Variants in COL16A1 observed in about 807,000 individuals in gnomAD.
COL16A1 encodes collagen type XVI alpha 1 chain.
In COL16A1, 189 loss-of-function variants were observed where a neutral mutation model predicts 266.3. The observed-to-expected ratio is 0.71, with a 90% CI of 0.63 to 0.80. The LOEUF is 0.80. Ranked by LOEUF, COL16A1 falls within the 30% of genes least tolerant of loss-of-function variation. The pLI, the probability that COL16A1 is intolerant of heterozygous loss-of-function variation, is 0.00. For missense variants in COL16A1, 1,928 were observed against 2,122.4 expected, an observed-to-expected ratio of 0.91 and a Z score of 1.80; for synonymous variants, 740 against 782.3, an observed-to-expected ratio of 0.95 and a Z score of 0.90.
rs1644602930 is a variant in COL16A1, at chr1:31,698,671, G to A, written c.267-65C>T. 1.3e-6 allele frequency: 2 copies of A among 1,593,656 alleles called. No homozygotes were observed. The highest frequency in any genetic ancestry group is 1.7e-6 in the Non-Finnish European group (2 of 1,172,804). On this transcript the variant is annotated intron_variant, in intron 4 of 70. Transcript: ENST00000373672. This position sits in a 1 kb window ranked among gnomAD's most constrained non-coding sequence, Gnocchi z 4.1. The stretch of plus-strand genomic sequence containing the variant: ...AGGACCCAAATGCTGCCCACCCTGA[G>A]CCCTCAGGACTGCTGAGCCTACCCA...
Position 31,684,633 on chromosome 1 carries a change from G to A in COL16A1, c.2053-3C>T. ...TCTCCAGGATTCCCAGCATCACCCT[G>A]TAAGGAGTGGGGTTCAAGGAAAGCA... On this transcript the variant is annotated splice_region_variant and splice_polypyrimidine_tract_variant and intron_variant, in intron 30 of 70. Coordinates refer to ENST00000373672, the MANE Select transcript of COL16A1 (RefSeq NM_001856.4). 6.2e-7 allele frequency: 1 copy of A among 1,613,632 alleles called. No individual in the cohort carries two copies. Among genetic ancestry groups the A allele is most frequent in the Non-Finnish European group, 8.5e-7 (1 of 1,179,770 alleles).
rs1644081478 is a variant in COL16A1 at position 31,688,121 on chromosome 1, G to A, written c.1803+346C>T. On this transcript the variant is annotated intron_variant, in intron 26 of 70. Coordinates refer to ENST00000373672, the MANE Select transcript of COL16A1 (RefSeq NM_001856.4). This position sits in a 1 kb window ranked among gnomAD's most constrained non-coding sequence, Gnocchi z 4.9. ...GGAGCACATACCCCATAAACTCTGG[G>A]AGGACAAAACAAGTGAATATACTTA... Among the ~76,000 whole-genome samples the A allele has an allele frequency of 6.6e-6, 1 of 152,164 alleles. No homozygotes were observed. Among genetic ancestry groups the A allele is most frequent in the Non-Finnish European group, 1.5e-5 (1 of 68,030 alleles).
In COL16A1 at chr1:31,697,983, G is replaced by A. The variant is rs868567476; in HGVS notation, c.580C>T (p.Leu194=). ...VDCSSASSQP[L]GPRRPMRPVG... ...GGCCTCATGGGTCGTCGGGGCCCCA[G>A]AGGCTGGGAGGAGGCTGAGCTGCAG... Residue 194 remains leucine, a synonymous_variant, in exon 6 of 71, where the codon CTG becomes TTG. Coordinates refer to ENST00000373672, the MANE Select transcript of COL16A1 (RefSeq NM_001856.4). The surrounding 1 kb of genome is among the most constrained non-coding windows in gnomAD (Gnocchi z 4.2). 4 of 1,613,342 alleles carry A rather than the reference G, an allele frequency of 2.5e-6. No homozygotes were observed. The highest frequency in any genetic ancestry group is 3.4e-6 in the Non-Finnish European group (4 of 1,180,044).
At chr1:31,677,235 A>G (rs2148735234) in intron 42 of COL16A1, among the ~76,000 whole-genome samples, 1 of 152,274 alleles carries the variant, frequency 6.6e-6, no homozygotes, top group Non-Finnish European at 1.5e-5. Context: ...ACAGGCATGC[A>G]CCACAAAACC....
In COL16A1 at chr1:31,655,472, G is replaced by A. The variant is rs1641051188; in HGVS notation, c.4132C>T (p.Gln1378Ter). ...GDPGAAGQKG[Q>*]AGEKGRAGMP... ...CCGGCTCTCCCCTTCTCTCCTGCCT[G>A]GCCCTTCTGTCCTGCAGCTCCTGGA... The change falls in exon 67 of 71, where the codon CAG (glutamine) becomes TAG (stop). Residue 1378 changes from glutamine to a stop codon, truncating the protein, a stop_gained. Transcript: ENST00000373672. LOFTEE classifies it high-confidence loss of function. The A allele has an allele frequency of 6.2e-7, 1 of 1,614,078 alleles. No homozygotes were observed. Among genetic ancestry groups the A allele is most frequent in the Non-Finnish European group, 8.5e-7 (1 of 1,180,004 alleles).
Position 31,698,672 on chromosome 1 carries a change from C to CA in COL16A1, c.267-67_267-66insT. 1 of 1,588,306 alleles carries CA rather than the reference C, an allele frequency of 6.3e-7. No homozygotes were observed. The highest frequency in any genetic ancestry group is 8.5e-7 in the Non-Finnish European group (1 of 1,170,404). ...GGACCCAAATGCTGCCCACCCTGAG[C>CA]CCTCAGGACTGCTGAGCCTACCCAA... On this transcript the variant is annotated intron_variant, in intron 4 of 70. Transcript: ENST00000373672. This position sits in a 1 kb window ranked among gnomAD's most constrained non-coding sequence, Gnocchi z 4.1.
intron 51 of COL16A1, 135 bp from the exon 52 acceptor site, chr1:31,667,763 T>C: frequency 1.1e-6 from 1 of 883,226 alleles, no homozygotes; most frequent in Non-Finnish European, 1.8e-6. Context: ...CGCTGGGTGC[T>C]CCAAAGCTGC....
Position 31,656,824 on chromosome 1 carries a change from A to G in COL16A1, c.4056+209T>C. 9.5e-6 allele frequency: 1 copy of G among 105,210 alleles called. No homozygotes were observed. The highest frequency in any genetic ancestry group is 8.7e-5 in the Admixed American group (1 of 11,522). 6.5% of individuals were successfully genotyped at this position (105,210 alleles called of 1,614,324 possible). A position where few individuals can be genotyped will look rare whatever the true frequency, so the allele number is the denominator to read the frequency against. ...TTCTTTTTGACCAGGTACAGGGTTT[A>G]AAAAAAAAAAAAAAAAGGTAAAACA... is the stretch of plus-strand genomic sequence containing the variant. On this transcript the variant is annotated intron_variant, in intron 65 of 70. Coordinates refer to ENST00000373672, the MANE Select transcript of COL16A1 (RefSeq NM_001856.4). The surrounding 1 kb of genome is among the most constrained non-coding windows in gnomAD (Gnocchi z 4.2).
At chr1:31,675,937 G>A (rs958818181) in intron 42 of COL16A1, among the ~76,000 whole-genome samples, 4 of 152,138 alleles carry the variant, frequency 2.6e-5, no homozygotes, top group South Asian at 2.1e-4. Flanking sequence ...AATTATAGGC[G>A]TGAACCACCA....
Position 31,683,385 on chromosome 1 carries a change from G to A in COL16A1, c.2380-16C>T, listed in dbSNP as rs1353211499. On this transcript the variant is annotated splice_polypyrimidine_tract_variant and intron_variant, in intron 34 of 70. Transcript: ENST00000373672. ...CAGGCTCCCCCTGCAAGTCAGAAAG[G>A]GCAGACTAGGGCACAGCAGCCACAG... 1 of 1,613,562 alleles carries A rather than the reference G, an allele frequency of 6.2e-7. No homozygotes were observed. Among genetic ancestry groups the A allele is most frequent in the Non-Finnish European group, 8.5e-7 (1 of 1,180,032 alleles).
intron 42 of COL16A1, chr1:31,679,158 T>C (rs1643417331): frequency 2.4e-6 from 1 of 408,726 alleles, no homozygotes; most frequent in Admixed American, 4.1e-5. Flanking sequence ...TCTAACACAC[T>C]ATATTTTATT....
At chr1:31,679,471 C>T (rs1476259150) in intron 42 of COL16A1, 161 bp downstream of exon 42, 2 of 1,611,300 alleles carry the variant, frequency 1.2e-6, no homozygotes, top group Non-Finnish European at 8.5e-7. Context: ...GCTCAGTGGG[C>T]CCTCCTTGCC....
intron 35 of COL16A1, 31 bp downstream of exon 35, chr1:31,683,303 C>T: frequency 6.2e-7 from 1 of 1,614,222 alleles, no homozygotes; most frequent in Non-Finnish European, 8.5e-7. Context: ...CCCTCCCCTG[C>T]TATCCTCCTT....
intron 10 of COL16A1, 92 bp from the exon 11 acceptor site, chr1:31,695,313 A>C: frequency 1.6e-6 from 2 of 1,266,576 alleles, no homozygotes; most frequent in Non-Finnish European, 2.3e-6. Context: ...AGAACATCAC[A>C]CATATCTTGA....
rs199971611 is a variant in COL16A1, at chr1:31,655,395, C to T, written c.4209G>A (p.Pro1403=). The change falls in exon 67 of 71, where the codon CCG becomes CCA. Residue 1403 remains proline, a synonymous_variant. Transcript: ENST00000373672. ...GGTGGCCTCTCTCTCCTGCAGGGCC[C>T]GGTGGCCCAACAGGCCCCATGGAAC... The part of the protein sequence containing the change: ...KSGSMGPVGP[P]GPAGERGHPG... 5.3e-5 allele frequency: 85 copies of T among 1,614,098 alleles called. No individual in the cohort carries two copies. The East Asian group carries it at 8.7e-4, about 17-fold the overall frequency.
In COL16A1 at chr1:31,683,050, G is replaced by T. The variant is rs113824107; in HGVS notation, c.2470-48C>A. The T allele has an allele frequency of 1.9e-4, 314 of 1,613,072 alleles. 1 individual carries two copies. In the African/African-American group the frequency reaches 3.7e-3, roughly 19 times the overall value. ...GTCTCAGGGGCAGAATTGGAAGCCA[G>T]CTACAACCCAGCAGGTAAGACACAT... is the stretch of plus-strand genomic sequence containing the variant. On this transcript the variant is annotated intron_variant, in intron 36 of 70. Coordinates refer to ENST00000373672, the MANE Select transcript of COL16A1 (RefSeq NM_001856.4).
chr1:31,660,659 A>G, intron 61 of COL16A1, 21 bp from the exon 62 acceptor site: 1 of 1,613,232 alleles, frequency 6.2e-7, no homozygotes, highest in Non-Finnish European at 8.5e-7. Flanking sequence ...CAGAAAAAGG[A>G]AAAAATGACA....
chr1:31,685,311 GC>G lies in COL16A1; in HGVS notation c.2016+327del, dbSNP rs1643913631. Among the ~76,000 whole-genome samples the G allele has an allele frequency of 6.6e-6, 1 of 152,208 alleles. No homozygotes were observed. The highest frequency in any genetic ancestry group is 2.1e-4 in the South Asian group (1 of 4,834). ...AGCACTTCACACACGCCATTACTAG[GC>G]TTTACTCTGTGCAGGAAACAGAGGT... On this transcript the variant is annotated intron_variant, in intron 29 of 70. Coordinates refer to ENST00000373672, the MANE Select transcript of COL16A1 (RefSeq NM_001856.4). This position sits in a 1 kb window ranked among gnomAD's most constrained non-coding sequence, Gnocchi z 4.0.
Position 31,685,819 on chromosome 1 carries a change from C to A in COL16A1, c.1885-49G>T. 6.2e-7 allele frequency: 1 copy of A among 1,602,974 alleles called. No individual in the cohort carries two copies. Among genetic ancestry groups the A allele is most frequent in the Non-Finnish European group, 8.5e-7 (1 of 1,172,166 alleles). On this transcript the variant is annotated intron_variant, in intron 28 of 70. Coordinates refer to ENST00000373672, the MANE Select transcript of COL16A1 (RefSeq NM_001856.4). This position sits in a 1 kb window ranked among gnomAD's most constrained non-coding sequence, Gnocchi z 4.0. ...AGGGGGTCCCCCAGGCCCTAGTGCA[C>A]TTGAGCGAGGTTTGGAATCTAGGGC...
Sources: gnomAD v4.1 joint callset for allele counts (sites outside exome capture counted in the v4.1 genomes callset) on GRCh38, gnomAD v4.1.1 for gene constraint, Gnocchi (gnomAD v3.1) non-coding constraint, MANE v1.5 for transcripts, NCBI Gene and HGNC (gene_info 2026-07-23, HGNC 2026-07-21) for gene names.